CHN1: variants seen among roughly 807,000 people sequenced by gnomAD.
The protein encoded by CHN1 is N-chimaerin.
A neutral mutation model predicts 59.5 loss-of-function variants in CHN1; 37 were observed. The observed-to-expected ratio is 0.62, with a 90% CI of 0.48 to 0.82. The LOEUF (loss-of-function observed/expected upper bound fraction) is 0.82, where lower values mean the gene tolerates loss of function less well. Ranked by LOEUF, CHN1 falls within the 40% of genes least tolerant of loss-of-function variation. The probability of loss-of-function intolerance (pLI) is 0.00; values close to 1 mark genes in which losing one functional copy is unlikely to be tolerated. For synonymous variants in CHN1, 206 were observed against 200.4 expected (o/e 1.03, Z -0.24); for missense variants, 469 against 571.0 (o/e 0.82, Z 1.82).
chr2:174,943,077 A>G (rs1574194026), intron 3 of CHN1, among the ~76,000 whole-genome samples: 1 of 152,082 alleles, frequency 6.6e-6, no homozygotes, highest in East Asian at 1.9e-4. Context: ...TTAAGTAAAT[A>G]AGTAAATAAA....
At chr2:174,947,855 A>G (rs1313842103) in intron 2 of CHN1, among the ~76,000 whole-genome samples, 1 of 152,188 alleles carries the variant, frequency 6.6e-6, no homozygotes, top group African/African-American at 2.4e-5. Flanking sequence ...GATCATTAAA[A>G]AGTTATACAA....
chr2:174,864,037 T>G (rs554198695), intron 6 of CHN1, among the ~76,000 whole-genome samples: 18 of 152,316 alleles, frequency 1.2e-4, no homozygotes, highest in African/African-American at 3.4e-4. Flanking sequence ...TCTTTCAGTG[T>G]TACTGATTTC....
chr2:174,981,926 C>T (rs1691163951), intron 1 of CHN1, among the ~76,000 whole-genome samples: 1 of 152,148 alleles, frequency 6.6e-6, no homozygotes, highest in African/African-American at 2.4e-5. Context: ...AGGTATATCT[C>T]CTAATGCTAT....
intron 1 of CHN1, among the ~76,000 whole-genome samples, chr2:174,992,489 C>G (rs550870850): frequency 6.6e-6 from 1 of 152,066 alleles, no homozygotes; most frequent in African/African-American, 2.4e-5. Flanking sequence ...TCTCAAAAGA[C>G]GAGAGAAAAA....
chr2:174,947,487 A>ATTTTT (rs71031076), intron 2 of CHN1, among the ~76,000 whole-genome samples: 1 of 135,656 alleles, frequency 7.4e-6, no homozygotes, highest in South Asian at 2.3e-4. Context: ...TTTTTTTTTA[A>ATTTTT]TTTTTTTTTT....
At chr2:174,990,295 G>A (rs1329299489) in intron 1 of CHN1, among the ~76,000 whole-genome samples, 10 of 121,090 alleles carry the variant, frequency 8.3e-5, no homozygotes, top group Non-Finnish European at 1.3e-4. Flanking sequence ...GAGCGCGAGC[G>A]CAAGAGCAAG....
At chr2:174,949,559 C>A (rs560096170) in intron 2 of CHN1, among the ~76,000 whole-genome samples, 48 of 152,162 alleles carry the variant, frequency 3.2e-4, no homozygotes, top group African/African-American at 9.9e-4. Flanking sequence ...GAGATGGGAT[C>A]CGCCTAAATT....
rs1164856045 is a variant in CHN1, at chr2:174,846,932, G to A, written c.575C>T (p.Thr192Ile). ...KRLTSLVRRA[T>I]LKENEQIPKY... is the part of the protein sequence containing the mutation. ...TGGAATTTGCTCGTTTTCTTTCAGAGTTGCTCTTCTAACAAGTGATGTCAA... is the reference window on the plus strand; with the variant it reads ...TGGAATTTGCTCGTTTTCTTTCAGAATTGCTCTTCTAACAAGTGATGTCAA... The change falls in exon 7 of 13, where the codon ACT (threonine) becomes ATT (isoleucine). Residue 192 changes from threonine (T) to isoleucine (I), a missense_variant. Transcript: ENST00000409900. The A allele has an allele frequency of 2.6e-6, 4 of 1,553,876 alleles. No homozygotes were observed. Among genetic ancestry groups the A allele is most frequent in the South Asian group, 2.4e-5 (2 of 84,136 alleles).
intron 7 of CHN1, among the ~76,000 whole-genome samples, chr2:174,835,920 A>G (rs1181804686): frequency 6.6e-6 from 1 of 152,068 alleles, no homozygotes; most frequent in Non-Finnish European, 1.5e-5. Flanking sequence ...TGTTTAGCCT[A>G]TTGCTTTCTG....
At position 174,975,588 on chromosome 2, in the gene CHN1, T is replaced by G. The variant is rs73973660; in HGVS notation, c.20-23386A>C. ...ACCTGGAAGAGCAGTCATTACCATT[T>G]ACCACCCAGGTCCATAAGCTCTTTT... is the stretch of plus-strand genomic sequence containing the variant. On this transcript the variant is annotated intron_variant, in intron 1 of 12. Transcript: ENST00000409900. 1.1e-3 allele frequency among the ~76,000 whole-genome samples: 171 copies of G among 151,224 alleles called. 1 individual carries two copies. Among genetic ancestry groups the G allele is most frequent in the African/African-American group, 4.0e-3 (166 of 41,058 alleles).
intron 1 of CHN1, among the ~76,000 whole-genome samples, chr2:174,981,538 C>T (rs1288165561): frequency 6.6e-6 from 1 of 152,178 alleles, no homozygotes; most frequent in African/African-American, 2.4e-5. Flanking sequence ...GATGAAAACA[C>T]CGTCTGAGCT....
intron 6 of CHN1, among the ~76,000 whole-genome samples, chr2:174,852,070 A>G (rs1216096824): frequency 2.0e-5 from 3 of 152,016 alleles, no homozygotes; most frequent in African/African-American, 7.3e-5. Context: ...TGAGGTCAGG[A>G]GTTTGAGACC....
intron 2 of CHN1, among the ~76,000 whole-genome samples, chr2:174,951,440 G>A (rs1690022351): frequency 6.6e-6 from 1 of 152,112 alleles, no homozygotes. Flanking sequence ...TTAAAGAACA[G>A]GTTTCTTAGG....
chr2:175,003,895 T>TA (rs1691974057), intron 1 of CHN1, among the ~76,000 whole-genome samples: 1 of 152,236 alleles, frequency 6.6e-6, no homozygotes, highest in South Asian at 2.1e-4. Context: ...TCTAGCAGCT[T>TA]AATTCACTGG....
chr2:174,866,419 T>C, intron 6 of CHN1, among the ~76,000 whole-genome samples: 1 of 152,160 alleles, frequency 6.6e-6, no homozygotes. Context: ...ATAATCAATG[T>C]CTGTATGATT....
In CHN1 at chr2:174,927,805, T is replaced by C. The variant is rs1427809811; in HGVS notation, c.115-9240A>G. On this transcript the variant is annotated intron_variant, in intron 3 of 12. Coordinates refer to ENST00000409900, the MANE Select transcript of CHN1 (RefSeq NM_001822.7). ...TTCACCCTGTGAAAAATGATACACA[T>C]AGGCAGGCAATTTAGCATTTTAAAC... 2.6e-5 allele frequency among the ~76,000 whole-genome samples: 4 copies of C among 152,336 alleles called. No homozygotes were observed. The East Asian group carries it at 5.8e-4, about 22-fold the overall frequency.
At chr2:175,004,745 CGCCCCGGGCGCCCCAACTCTGCG>C (rs1692005423) in intron 1 of CHN1, 126 bp downstream of exon 1, 1 of 221,974 alleles carries the variant, frequency 4.5e-6, no homozygotes, top group South Asian at 1.6e-4. Context: ...AGCAAGCCGG[CGCCCCGGGCGCCCCAACTCTGCG>C]GCCCCGGCCC....
At chr2:174,859,313 G>A (rs1304571543) in intron 6 of CHN1, among the ~76,000 whole-genome samples, 1 of 152,116 alleles carries the variant, frequency 6.6e-6, no homozygotes, top group East Asian at 1.9e-4. Context: ...TTTAGGTTTA[G>A]CATATCCTTG....
chr2:174,984,274 G>A (rs1348463364), intron 1 of CHN1, among the ~76,000 whole-genome samples: 1 of 147,574 alleles, frequency 6.8e-6, no homozygotes, highest in Non-Finnish European at 1.5e-5. Flanking sequence ...TCTGATCCAT[G>A]TTTCTCAAGA....
Sources: gnomAD v4.1 joint callset for allele counts (sites outside exome capture counted in the v4.1 genomes callset) on GRCh38, gnomAD v4.1.1 for gene constraint, MANE v1.5 for transcripts, NCBI Gene and HGNC (gene_info 2026-07-23, HGNC 2026-07-21) for gene names.